Variants in ANK3 observed in about 807,000 individuals in gnomAD.
ANK3 encodes the protein ankyrin-3.
A neutral mutation model predicts 370.9 loss-of-function variants in ANK3; 57 were observed. The observed-to-expected ratio is 0.15, with a 90% CI of 0.12 to 0.19. The LOEUF (loss-of-function observed/expected upper bound fraction) is 0.19. Among genes scored for constraint, ANK3 ranks in the 10% least tolerant of loss-of-function variants. The pLI is 1.00. For synonymous variants in ANK3, 1,929 were observed against 1,946.3 expected (o/e 0.99, Z 0.23); for missense variants, 4,439 against 5,302.1 (o/e 0.84, Z 5.06).
Position 60,694,812 on chromosome 10 carries a change from A to G in ANK3, c.57+38451T>C, listed in dbSNP as rs569870966. On this transcript the variant is annotated intron_variant, in intron 1 of 43. Transcript: ENST00000373827. Reference sequence around the variant, plus strand: ...AAAATCATGCCAAAATGTAAAGACCATCGAGACTAGGAAGAAACTGCATCA... The same window carrying G: ...AAAATCATGCCAAAATGTAAAGACCGTCGAGACTAGGAAGAAACTGCATCA... Among the ~76,000 whole-genome samples the G allele has an allele frequency of 1.0e-3, 151 of 151,552 alleles. 1 individual carries two copies. Among genetic ancestry groups the G allele is most frequent in the Middle Eastern group, 6.8e-3 (2 of 294 alleles).
At chr10:60,635,818 T>C (rs952045962) in intron 1 of ANK3, among the ~76,000 whole-genome samples, 4 of 152,164 alleles carry the variant, frequency 2.6e-5, no homozygotes, top group Middle Eastern at 3.4e-3. Flanking sequence ...CCATCTCACA[T>C]TGCACAACAG....
At chr10:60,442,142 C>A (rs1339951396) in intron 2 of ANK3, among the ~76,000 whole-genome samples, 1 of 147,276 alleles carries the variant, frequency 6.8e-6, no homozygotes, top group African/African-American at 2.5e-5. Flanking sequence ...GTTGCCCAGG[C>A]TGGAGTGTAG....
At chr10:60,612,977 G>A (rs2078220840) in intron 2 of ANK3, among the ~76,000 whole-genome samples, 2 of 152,120 alleles carry the variant, frequency 1.3e-5, no homozygotes, top group African/African-American at 4.8e-5. Context: ...CTATAAATGA[G>A]GTTGGACTGT....
intron 1 of ANK3, among the ~76,000 whole-genome samples, chr10:60,643,249 C>T (rs1444448770): frequency 6.6e-6 from 1 of 152,146 alleles, no homozygotes; most frequent in Non-Finnish European, 1.5e-5. Flanking sequence ...AGACCCACTC[C>T]TAATCTGGGT....
intron 1 of ANK3, among the ~76,000 whole-genome samples, chr10:60,641,157 C>A (rs2078627064): frequency 6.7e-6 from 1 of 149,208 alleles, no homozygotes; most frequent in Admixed American, 6.7e-5. Flanking sequence ...AAGAACATTC[C>A]ATGCTCATGG....
chr10:60,157,067 C>T (rs1384770876), intron 23 of ANK3, among the ~76,000 whole-genome samples: 1 of 138,304 alleles, frequency 7.2e-6, no homozygotes, highest in African/African-American at 2.7e-5. Context: ...GATAGAGTTT[C>T]ACTCTTGTTG....
rs185714925 is a variant in ANK3, at chr10:60,054,771, A to G, written c.13065+887T>C. On this transcript the variant is annotated intron_variant, in intron 42 of 43. Coordinates refer to ENST00000280772, the MANE Select transcript of ANK3 (RefSeq NM_020987.5). ...AAAGTGGGTCTTCAGTGAACTGGAT[A>G]TGTCTCAGCGAAAACTGCAAGTGCT... Among the ~76,000 whole-genome samples, 75 of 152,350 alleles carry G rather than the reference A, an allele frequency of 4.9e-4. No homozygotes were observed. The East Asian group carries it at 0.012, about 24-fold the overall frequency.
chr10:60,343,641 G>C (rs1468483493), intron 1 of ANK3, among the ~76,000 whole-genome samples: 1 of 152,206 alleles, frequency 6.6e-6, no homozygotes, highest in Non-Finnish European at 1.5e-5. Flanking sequence ...CCTCTGAGGA[G>C]TGAGAATGGA....
At chr10:60,272,782 T>G (rs1196714182) in intron 4 of ANK3, among the ~76,000 whole-genome samples, 2 of 152,188 alleles carry the variant, frequency 1.3e-5, no homozygotes, top group African/African-American at 2.4e-5. Context: ...CCACCTTTTT[T>G]TTTTTAATTC....
At chr10:60,204,994 TG>T (rs1403445964) in intron 11 of ANK3, among the ~76,000 whole-genome samples, 3 of 151,960 alleles carry the variant, frequency 2.0e-5, no homozygotes, top group African/African-American at 4.8e-5. Context: ...GTCTAGTCTA[TG>T]GAAGTGCCAA....
intron 28 of ANK3, among the ~76,000 whole-genome samples, chr10:60,096,474 T>C (rs551391257): frequency 3.3e-5 from 5 of 152,316 alleles, no homozygotes; most frequent in South Asian, 2.1e-4. Context: ...GCAGAGTTCC[T>C]AGCTCCTAAT....
chr10:60,712,622 T>C (rs186181775), intron 1 of ANK3, among the ~76,000 whole-genome samples: 1 of 152,308 alleles, frequency 6.6e-6, no homozygotes, highest in Non-Finnish European at 1.5e-5. Context: ...CTAAATACTT[T>C]AAACACAAAG....
chr10:60,044,042 C>T, intron 42 of ANK3: 1 of 985,802 alleles, frequency 1.0e-6, no homozygotes, highest in Non-Finnish European at 1.2e-6. Context: ...CTTTTGTCCT[C>T]TACATTCTCT....
chr10:60,382,940 T>C lies in ANK3; in HGVS notation c.114+6485A>G, dbSNP rs1200853973. ...TCTAGATTTTGCAGTTAAATTTAAA[T>C]GATTTATTAAAATTTGAATTAGTAA... On this transcript the variant is annotated intron_variant, in intron 1 of 43. Transcript: ENST00000280772. 2.0e-5 allele frequency among the ~76,000 whole-genome samples: 3 copies of C among 152,098 alleles called. No individual in the cohort carries two copies. In the East Asian group the frequency reaches 5.8e-4, roughly 29 times the overall value.
At chr10:60,279,912 C>A (rs1445298954) in intron 1 of ANK3, among the ~76,000 whole-genome samples, 2 of 152,146 alleles carry the variant, frequency 1.3e-5, no homozygotes, top group African/African-American at 2.4e-5. Flanking sequence ...TAAATCAACA[C>A]ACAATTTCCA....
intron 1 of ANK3, among the ~76,000 whole-genome samples, chr10:60,703,481 G>A (rs1015044599): frequency 2.0e-5 from 3 of 152,038 alleles, no homozygotes; most frequent in Admixed American, 2.0e-4. Context: ...CTACTCTGTC[G>A]GATTTTGTAT....
chr10:60,694,059 C>T (rs1374501196), intron 1 of ANK3, among the ~76,000 whole-genome samples: 1 of 151,974 alleles, frequency 6.6e-6, no homozygotes, highest in Non-Finnish European at 1.5e-5. Flanking sequence ...CTTAAAGGAG[C>T]TGATGGAGCT....
At chr10:60,186,985 TTA>T (rs2096354421) in intron 16 of ANK3, 73 bp from the exon 17 acceptor site, 1 of 1,406,070 alleles carries the variant, frequency 7.1e-7, no homozygotes, top group South Asian at 1.2e-5. Context: ...TTCAAATAGT[TTA>T]TGTCTCTTTC....
intron 1 of ANK3, among the ~76,000 whole-genome samples, chr10:60,628,288 C>T (rs184132476): frequency 6.6e-6 from 1 of 152,110 alleles, no homozygotes; most frequent in African/African-American, 2.4e-5. Flanking sequence ...TCTCATTTTA[C>T]CTGAAGCTAC....
Sources: gnomAD v4.1 joint callset for allele counts (sites outside exome capture counted in the v4.1 genomes callset) on GRCh38, gnomAD v4.1.1 for gene constraint, MANE v1.5 for transcripts, NCBI Gene and HGNC (gene_info 2026-07-23, HGNC 2026-07-21) for gene names.